SPACA7: variants seen among roughly 807,000 people sequenced by gnomAD.
SPACA7 encodes the protein sperm acrosome associated 7, also known as sperm acrosome-associated protein 7.
A neutral mutation model predicts 26.3 loss-of-function variants in SPACA7; 19 were observed. The ratio of observed to expected loss-of-function variants is 0.72; its 90% CI spans 0.50 to 1.06. SPACA7 has a LOEUF of 1.06. Ranked by LOEUF, SPACA7 falls within the 50% of genes least tolerant of loss-of-function variation. The pLI is 0.00. For missense variants in SPACA7, 211 were observed against 229.9 expected (o/e 0.92, Z 0.53); for synonymous variants, 84 against 84.5 (o/e 0.99, Z 0.04).
At chr13:112,382,336 G>C in intron 1 of SPACA7, 1 of 1,324,892 alleles carries the variant, frequency 7.5e-7, no homozygotes, top group Non-Finnish European at 1.0e-6. Flanking sequence ...TTGACCTCAT[G>C]GTCCGCCCGC....
intron 1 of SPACA7, among the ~76,000 whole-genome samples, chr13:112,391,900 C>G (rs1217263370): frequency 6.6e-6 from 1 of 152,236 alleles, no homozygotes; most frequent in African/African-American, 2.4e-5. Context: ...ATTGCCATCA[C>G]ATCTCAGACC....
At chr13:112,415,360 T>C (rs901340971) in intron 5 of SPACA7, among the ~76,000 whole-genome samples, 1 of 152,210 alleles carries the variant, frequency 6.6e-6, no homozygotes, top group African/African-American at 2.4e-5. Flanking sequence ...TGATGTTTAT[T>C]CGAGGCTCAC....
intron 5 of SPACA7, among the ~76,000 whole-genome samples, chr13:112,415,701 C>T (rs375549665): frequency 2.0e-5 from 3 of 152,204 alleles, no homozygotes; most frequent in East Asian, 3.9e-4. Flanking sequence ...CCCAAGCCTT[C>T]TGCCTCCCAG....
At chr13:112,411,255 C>T (rs1886333455) in intron 5 of SPACA7, among the ~76,000 whole-genome samples, 1 of 151,458 alleles carries the variant, frequency 6.6e-6, no homozygotes, top group Non-Finnish European at 1.5e-5. Context: ...TTAAATGTCC[C>T]TAATTCCCTT....
chr13:112,389,547 T>C (rs1884742116), intron 1 of SPACA7, among the ~76,000 whole-genome samples: 1 of 152,104 alleles, frequency 6.6e-6, no homozygotes, highest in Non-Finnish European at 1.5e-5. Context: ...TTTCTGGGAG[T>C]CCTGGGAATA....
intron 5 of SPACA7, among the ~76,000 whole-genome samples, chr13:112,421,964 T>A: frequency 6.6e-6 from 1 of 151,148 alleles, no homozygotes; most frequent in South Asian, 2.1e-4. Context: ...TACTTGAGAG[T>A]GGAGAATGGG....
At chr13:112,385,870 C>T (rs1884492050) in intron 1 of SPACA7, among the ~76,000 whole-genome samples, 1 of 152,092 alleles carries the variant, frequency 6.6e-6, no homozygotes, top group Admixed American at 6.6e-5. Context: ...TATAAATAGA[C>T]AGACAAAAGA....
intron 5 of SPACA7, among the ~76,000 whole-genome samples, chr13:112,424,696 T>C (rs936815402): frequency 1.3e-5 from 2 of 152,140 alleles, no homozygotes; most frequent in African/African-American, 4.8e-5. Flanking sequence ...CCTTTTAATT[T>C]TTACCAAAAG....
chr13:112,430,060 T>C (rs1484767316), intron 5 of SPACA7, among the ~76,000 whole-genome samples: 1 of 152,184 alleles, frequency 6.6e-6, no homozygotes, highest in Non-Finnish European at 1.5e-5. Flanking sequence ...GCTCTGGAAA[T>C]TGTTCTGCCT....
intron 5 of SPACA7, among the ~76,000 whole-genome samples, chr13:112,429,019 TG>T (rs1215417077): frequency 2.0e-5 from 3 of 152,242 alleles, no homozygotes; most frequent in Non-Finnish European, 2.9e-5. Flanking sequence ...TCATGTACTT[TG>T]AAGCTCTCTT....
chr13:112,402,431 G>T (rs917777798), intron 5 of SPACA7, among the ~76,000 whole-genome samples: 2 of 152,136 alleles, frequency 1.3e-5, no homozygotes, highest in African/African-American at 4.8e-5. Flanking sequence ...CTTTATCATT[G>T]ATTATCTAGG....
intron 2 of SPACA7, among the ~76,000 whole-genome samples, chr13:112,395,761 C>A (rs987386885): frequency 1.3e-5 from 2 of 152,142 alleles, no homozygotes; most frequent in Non-Finnish European, 2.9e-5. Flanking sequence ...TGAGCCACTG[C>A]GCCCAGCCTG....
intron 5 of SPACA7, among the ~76,000 whole-genome samples, chr13:112,408,994 A>T (rs1433267481): frequency 2.0e-5 from 3 of 152,244 alleles, no homozygotes; most frequent in African/African-American, 7.2e-5. Flanking sequence ...CCAAAACAGC[A>T]TGATACTGGT....
At position 112,376,433 on chromosome 13, in the gene SPACA7, G is replaced by A; in HGVS notation, c.48G>A (p.Leu16=). The change falls in exon 1 of 7, where the codon CTG becomes CTA. Residue 16 remains leucine (L), a synonymous_variant. Coordinates refer to ENST00000283550, the MANE Select transcript of SPACA7 (RefSeq NM_145248.5). ...GGACCCTCTGCTTTGTCCTCCTGCTGTGCTGTTGGCAAGAAACTGAGCTCC... is the reference window on the plus strand; with the variant it reads ...GGACCCTCTGCTTTGTCCTCCTGCTATGCTGTTGGCAAGAAACTGAGCTCC... ...GDGTLCFVLL[L]CCWQETELRP... The A allele has an allele frequency of 6.2e-7, 1 of 1,613,906 alleles. No homozygotes were observed.
chr13:112,388,320 C>A (rs1248884390), intron 1 of SPACA7, among the ~76,000 whole-genome samples: 1 of 152,164 alleles, frequency 6.6e-6, no homozygotes, highest in Non-Finnish European at 1.5e-5. Flanking sequence ...AGCCGAGACC[C>A]CCGAGGAGCC....
intron 5 of SPACA7, among the ~76,000 whole-genome samples, chr13:112,424,616 C>T (rs1033110123): frequency 6.6e-6 from 1 of 152,168 alleles, no homozygotes. Context: ...TACAAAGTGC[C>T]TCCTCTGGGA....
intron 3 of SPACA7, 66 bp downstream of exon 3, chr13:112,398,204 G>T: frequency 8.3e-7 from 1 of 1,210,260 alleles, no homozygotes; most frequent in Middle Eastern, 1.9e-4. Flanking sequence ...GAGGTCTGTG[G>T]TATGGAATAC....
In SPACA7 at chr13:112,383,130, AAAG is replaced by A. The variant is rs1354149313; in HGVS notation, c.94+6654_94+6656del. 1.2e-3 allele frequency among the ~76,000 whole-genome samples: 4 copies of A among 3,280 alleles called. 1 individual carries two copies. The highest frequency in any genetic ancestry group is 3.1e-3 in the Non-Finnish European group (4 of 1,280). 2.2% of individuals were successfully genotyped at this position (3,280 alleles called of 152,430 possible). On this transcript the variant is annotated intron_variant, in intron 1 of 6. Coordinates refer to ENST00000283550, the MANE Select transcript of SPACA7 (RefSeq NM_145248.5). Reference sequence around the variant, plus strand: ...GAAAAGAAAAGAAAAGAAAAGAAAGAAAGAAAGAAAGAAAGAAAGAAAGAAAGA... The same window carrying A: ...GAAAAGAAAAGAAAAGAAAAGAAAGAAAAGAAAGAAAGAAAGAAAGAAAGA...
intron 5 of SPACA7, among the ~76,000 whole-genome samples, chr13:112,408,531 C>A (rs1886137459): frequency 2.1e-5 from 2 of 94,212 alleles, no homozygotes; most frequent in Admixed American, 2.2e-4. Context: ...TCTCAGGATA[C>A]AAAATCAATG....
Sources: allele counts gnomAD v4.1 joint callset (sites outside exome capture counted in the v4.1 genomes callset), GRCh38; gene constraint gnomAD v4.1.1; transcripts MANE v1.5; gene names NCBI Gene and HGNC (gene_info 2026-07-23, HGNC 2026-07-21).